The following DNAJB14 variants were observed in gnomAD, a reference collection of about 807,000 sequenced individuals.
DNAJB14 encodes dnaJ homolog subfamily B member 14.
A neutral mutation model predicts 48.4 loss-of-function variants in DNAJB14; 22 were observed. The observed-to-expected ratio is 0.45, with a 90% CI of 0.32 to 0.65. The LOEUF (loss-of-function observed/expected upper bound fraction) is 0.65, where lower values mean the gene tolerates loss of function less well. Ranked by LOEUF, DNAJB14 falls within the 30% of genes least tolerant of loss-of-function variation. The pLI, the probability that DNAJB14 is intolerant of heterozygous loss-of-function variation, is 0.03. For synonymous variants in DNAJB14, 142 were observed against 158.7 expected (o/e 0.89, Z 0.79); for missense variants, 319 against 458.8 (o/e 0.70, Z 2.78).
intron 3 of DNAJB14, among the ~76,000 whole-genome samples, chr4:99,916,650 T>TAACA (rs1241405932): frequency 6.6e-6 from 1 of 152,150 alleles, no homozygotes; most frequent in Non-Finnish European, 1.5e-5. Context: ...TTATCAACAG[T>TAACA]GTGTTCTGAG....
intron 2 of DNAJB14, chr4:99,925,322 TA>T (rs1362351630): frequency 6.5e-6 from 1 of 152,806 alleles, no homozygotes; most frequent in African/African-American, 2.4e-5. Flanking sequence ...CAAAGTTGGT[TA>T]AATCCACAGA....
intron 1 of DNAJB14, among the ~76,000 whole-genome samples, chr4:99,945,037 T>C (rs11938952): frequency 0.25 from 37,396 of 152,058 alleles, 4,743 homozygotes; most frequent in African/African-American, 0.29. Context: ...CAAAGTAGAA[T>C]GGTAGTTGCC....
At chr4:99,935,724 TG>T (rs1419219778) in intron 1 of DNAJB14, among the ~76,000 whole-genome samples, 5 of 152,160 alleles carry the variant, frequency 3.3e-5, no homozygotes, top group Non-Finnish European at 2.9e-5. Context: ...TTTTGGCATC[TG>T]GGGCTGGCAA....
At chr4:99,944,604 C>T (rs1414279442) in intron 1 of DNAJB14, among the ~76,000 whole-genome samples, 2 of 149,318 alleles carry the variant, frequency 1.3e-5, no homozygotes, top group Admixed American at 6.7e-5. Context: ...GATGGAGTCT[C>T]GCTGTGTCGC....
rs1308263635 is a variant in DNAJB14 at position 99,930,469 on chromosome 4, G to T, written c.286C>A (p.Gln96Lys). 6.3e-7 allele frequency: 1 copy of T among 1,595,058 alleles called. No individual in the cohort carries two copies. The change falls in exon 2 of 8, where the codon CAA becomes AAA. Residue 96 changes from glutamine (Q) to lysine (K), a missense_variant. Coordinates refer to ENST00000442697, the MANE Select transcript of DNAJB14 (RefSeq NM_001031723.4). The part of the protein sequence containing the change: ...GEGGKGYTKD[Q>K]VDGVLSINKC... ...TCCTACCTGAGAACTCCATCTACTT[G>T]GTCTTTGGTATAGCCTTTTCCACCT...
chr4:99,907,186 G>A (rs1300168836), intron 4 of DNAJB14, among the ~76,000 whole-genome samples: 1 of 152,126 alleles, frequency 6.6e-6, no homozygotes, highest in Non-Finnish European at 1.5e-5. Context: ...TCAAGTATCA[G>A]AAGAAAATTT....
intron 3 of DNAJB14, among the ~76,000 whole-genome samples, chr4:99,914,240 C>G (rs904578797): frequency 6.6e-6 from 1 of 152,104 alleles, no homozygotes. Flanking sequence ...TATACTGAAC[C>G]AACCCAAATG....
At chr4:99,908,481 A>G (rs1183689145) in intron 4 of DNAJB14, among the ~76,000 whole-genome samples, 3 of 152,110 alleles carry the variant, frequency 2.0e-5, no homozygotes, top group South Asian at 2.1e-4. Flanking sequence ...AAAATACAGA[A>G]TATCTGTACT....
At chr4:99,919,397 A>G (rs986638508) in intron 3 of DNAJB14, among the ~76,000 whole-genome samples, 1 of 152,130 alleles carries the variant, frequency 6.6e-6, no homozygotes, top group Non-Finnish European at 1.5e-5. Context: ...AGCCTGGCCA[A>G]GATGGTGAAA....
chr4:99,914,732 C>T (rs1053282472), intron 3 of DNAJB14, among the ~76,000 whole-genome samples: 4 of 152,092 alleles, frequency 2.6e-5, no homozygotes, highest in Non-Finnish European at 4.4e-5. Flanking sequence ...GGGCTATTCA[C>T]GTTATCTATG....
At chr4:99,939,257 G>A (rs1215177451) in intron 1 of DNAJB14, among the ~76,000 whole-genome samples, 1 of 152,210 alleles carries the variant, frequency 6.6e-6, no homozygotes, top group African/African-American at 2.4e-5. Flanking sequence ...AGCTACTTGG[G>A]AGGCTAAGGC....
Position 99,908,890 on chromosome 4 carries a change from C to G in DNAJB14, c.458G>C (p.Gly153Ala). ...PGATDAFKKI[G>A]NAYAVLSNPE... ...ATTACTTAAAACAGCATAAGCATTT[C>G]CAATCTCTGAAAAAGTAATGAGTAA... The change falls in exon 4 of 8, where the codon GGA becomes GCA. Residue 153 changes from glycine to alanine, a missense_variant. By Grantham distance (60) the Gly-to-Ala change is moderately conservative (BLOSUM62 0). This residue lies in a region of DNAJB14 where 37 missense variants were observed against 87.8 expected (regional missense o/e 0.42). Coordinates refer to ENST00000442697, the MANE Select transcript of DNAJB14 (RefSeq NM_001031723.4). 1 of 1,551,898 alleles carries G rather than the reference C, an allele frequency of 6.4e-7. No individual in the cohort carries two copies. The highest frequency in any genetic ancestry group is 8.7e-7 in the Non-Finnish European group (1 of 1,153,370).
intron 6 of DNAJB14, among the ~76,000 whole-genome samples, chr4:99,904,371 T>C (rs1725395551): frequency 6.6e-6 from 1 of 152,166 alleles, no homozygotes; most frequent in Non-Finnish European, 1.5e-5. Context: ...CAACCACAGG[T>C]TGTCCACATG....
At chr4:99,944,038 C>CA (rs58677092) in intron 1 of DNAJB14, among the ~76,000 whole-genome samples, 160 of 144,440 alleles carry the variant, frequency 1.1e-3, no homozygotes, top group East Asian at 8.2e-3. Flanking sequence ...TACAACTCAA[C>CA]AAAAAAAAAA....
In DNAJB14 at chr4:99,923,088, A is replaced by G. The variant is rs779431116; in HGVS notation, c.403T>C (p.Phe135Leu). 1 of 1,611,820 alleles carries G rather than the reference A, an allele frequency of 6.2e-7. No individual in the cohort carries two copies. Residue 135 changes from phenylalanine to leucine, a missense_variant, in exon 3 of 8, where the codon TTT becomes CTT. By Grantham distance (22) the Phe-to-Leu change is conservative. This residue lies in a region of DNAJB14 where 37 missense variants were observed against 87.8 expected (regional missense o/e 0.42). Transcript: ENST00000442697. ...KKAYRKLALK[F>L]HPDKNHAPGA... ...GGTGCATGGTTTTTGTCTGGATGAA[A>G]CTTCAAAGCAAGCTTTCTATAAGCT...
In DNAJB14 at chr4:99,897,096, A is replaced by G. The variant is rs750639657; in HGVS notation, c.*3932T>C. 3.9e-5 allele frequency: 6 copies of G among 151,940 alleles called. No individual in the cohort carries two copies. The highest frequency in any genetic ancestry group is 2.0e-4 in the Admixed American group (3 of 15,270). The allele number at this position is 151,940 out of a possible 1,614,324, so 9.4% of individuals were successfully genotyped here. A position where few individuals can be genotyped will look rare whatever the true frequency, so the allele number is the denominator to read the frequency against. ...TGTTGACTGATTTTCAAAGTCAGAC[A>G]TAAAAATATCCACTGCTAATGGAAG... On this transcript the variant is annotated 3_prime_UTR_variant, in exon 8 of 8. Coordinates refer to ENST00000442697, the MANE Select transcript of DNAJB14 (RefSeq NM_001031723.4).
rs757385758 is a variant in DNAJB14, at chr4:99,903,768, C to T, written c.973G>A (p.Val325Met). The T allele has an allele frequency of 1.2e-6, 2 of 1,611,994 alleles. No homozygotes were observed. Among genetic ancestry groups the T allele is most frequent in the Non-Finnish European group, 1.7e-6 (2 of 1,179,178 alleles). The change falls in exon 7 of 8, where the codon GTG becomes ATG. Residue 325 changes from valine to methionine, a missense_variant. Physicochemically the swap from Val to Met is conservative, Grantham distance 21. Around this residue, in one of 3 missense-constraint regions of DNAJB14, gnomAD observed 166 missense variants for 236.3 expected, o/e 0.70. Transcript: ENST00000442697. ...CAGCAGTTATTTCGAATATTAGTCA[C>T]ATAATCTTCCTCCACACTCTTTTCT... ...KVEKSVEEDYVTNIRNNCWKE... is the reference protein window; with the variant it reads ...KVEKSVEEDYMTNIRNNCWKE...
At chr4:99,936,597 A>C (rs1726684916) in intron 1 of DNAJB14, among the ~76,000 whole-genome samples, 1 of 152,174 alleles carries the variant, frequency 6.6e-6, no homozygotes, top group Non-Finnish European at 1.5e-5. Flanking sequence ...TTTCCAGTAA[A>C]AGGAGTCAGG....
intron 2 of DNAJB14, chr4:99,924,497 A>G (rs1352393504): frequency 1.3e-5 from 4 of 296,314 alleles, no homozygotes; most frequent in Non-Finnish European, 2.4e-5. Flanking sequence ...ATTTACAGAA[A>G]TTAAAATTGG....
Sources: gnomAD v4.1 joint callset for allele counts (sites outside exome capture counted in the v4.1 genomes callset) on GRCh38, gnomAD v4.1.1 for gene constraint, gnomAD v4.1.1 regional missense constraint, MANE v1.5 for transcripts, NCBI Gene and HGNC (gene_info 2026-07-23, HGNC 2026-07-21) for gene names.